Variants in INPP4B observed in about 807,000 individuals in gnomAD.
The protein encoded by INPP4B is inositol polyphosphate 4-phosphatase type II.
Under a neutral mutation model 122.5 loss-of-function variants are expected in INPP4B, and 55 were observed. The ratio of observed to expected loss-of-function variants is 0.45; its 90% confidence interval spans 0.36 to 0.56. INPP4B has a LOEUF of 0.56. Among genes scored for constraint, INPP4B ranks in the 20% least tolerant of loss-of-function variants. INPP4B has a pLI of 0.00. For synonymous variants in INPP4B, 403 were observed against 388.7 expected (o/e 1.04, Z -0.43); for missense variants, 1,000 against 1,097.7 (o/e 0.91, Z 1.26).
At chr4:142,662,250 A>AC (rs1385056241) in intron 2 of INPP4B, among the ~76,000 whole-genome samples, 3 of 151,448 alleles carry the variant, frequency 2.0e-5, no homozygotes, top group Non-Finnish European at 4.4e-5. Flanking sequence ...AAAACAAAAA[A>AC]CAAAAAAACG....
At chr4:142,646,720 C>A (rs548585640) in intron 2 of INPP4B, among the ~76,000 whole-genome samples, 11 of 152,272 alleles carry the variant, frequency 7.2e-5, no homozygotes, top group African/African-American at 2.6e-4. Context: ...GCAAAGAAAT[C>A]CCTCAGGGAG....
intron 7 of INPP4B, among the ~76,000 whole-genome samples, chr4:142,353,286 A>G (rs940880786): frequency 6.6e-6 from 1 of 151,974 alleles, no homozygotes; most frequent in Non-Finnish European, 1.5e-5. Context: ...ATGCTTTCTA[A>G]GTTGCAAGCA....
intron 1 of INPP4B, among the ~76,000 whole-genome samples, chr4:142,827,714 ACCCT>A (rs1050161097): frequency 1.3e-5 from 2 of 152,080 alleles, no homozygotes; most frequent in Admixed American, 6.6e-5. Flanking sequence ...TTGCTGTTCT[ACCCT>A]CCCTATCTAC....
intron 2 of INPP4B, among the ~76,000 whole-genome samples, chr4:142,582,806 T>C (rs1409607076): frequency 6.6e-6 from 1 of 152,094 alleles, no homozygotes; most frequent in African/African-American, 2.4e-5. Context: ...AACAAACAAC[T>C]GAACAACTGC....
In INPP4B at chr4:142,173,704, G is replaced by C. The variant is rs1242359403; in HGVS notation, c.1287C>G (p.Asp429Glu). 6.2e-7 allele frequency: 1 copy of C among 1,613,080 alleles called. No homozygotes were observed. The highest frequency in any genetic ancestry group is 1.3e-5 in the African/African-American group (1 of 74,838). Reference protein sequence around the residue: ...QLQPLIATHADLLLNSASQHS... With the variant: ...QLQPLIATHAELLLNSASQHS... ...GCTGGCTTGCAGAATTAAGCAGTAG[G>C]TCTGCATGGGTTGCTATAAGAGGTT... Residue 429 changes from aspartate to glutamate, a missense_variant, in exon 16 of 26, where the codon GAC becomes GAG. By Grantham distance (45) the Asp-to-Glu change is conservative. Transcript: ENST00000262992.
At chr4:142,843,175 G>A (rs1208132109) in intron 1 of INPP4B, among the ~76,000 whole-genome samples, 1 of 149,916 alleles carries the variant, frequency 6.7e-6, no homozygotes, top group African/African-American at 2.5e-5. Flanking sequence ...CTGCTCTAAA[G>A]TTTTAGAACA....
intron 25 of INPP4B, among the ~76,000 whole-genome samples, chr4:142,078,585 T>C (rs974661828): frequency 1.5e-4 from 23 of 152,036 alleles, no homozygotes; most frequent in Admixed American, 1.3e-3. Context: ...GAGCTGCTTC[T>C]TGTGAGGGGA....
intron 2 of INPP4B, among the ~76,000 whole-genome samples, chr4:142,519,900 C>T (rs937403584): frequency 6.6e-6 from 1 of 151,942 alleles, no homozygotes; most frequent in Admixed American, 6.6e-5. Context: ...TTTTGGATAC[C>T]TGAATAATCT....
At chr4:142,571,371 G>C (rs1447992117) in intron 2 of INPP4B, among the ~76,000 whole-genome samples, 1 of 152,058 alleles carries the variant, frequency 6.6e-6, no homozygotes, top group African/African-American at 2.4e-5. Flanking sequence ...GATTACTGTA[G>C]TCAAGCAAAT....
At chr4:142,599,776 G>C (rs1739484690) in intron 2 of INPP4B, among the ~76,000 whole-genome samples, 1 of 151,386 alleles carries the variant, frequency 6.6e-6, no homozygotes, top group Non-Finnish European at 1.5e-5. Context: ...ATAATACAAA[G>C]AAATCAGAAA....
At chr4:142,042,111 A>G (rs1748019542) in intron 25 of INPP4B, among the ~76,000 whole-genome samples, 1 of 152,196 alleles carries the variant, frequency 6.6e-6, no homozygotes, top group Admixed American at 6.5e-5. Context: ...CCTGTCATCT[A>G]CCGTCACTTG....
intron 16 of INPP4B, among the ~76,000 whole-genome samples, chr4:142,166,398 A>C (rs1279918910): frequency 6.6e-6 from 1 of 151,918 alleles, no homozygotes; most frequent in Admixed American, 6.6e-5. Context: ...CTCAAGATAG[A>C]TTAAAGATTT....
At chr4:142,225,899 A>G (rs1851327817) in intron 12 of INPP4B, among the ~76,000 whole-genome samples, 1 of 152,174 alleles carries the variant, frequency 6.6e-6, no homozygotes, top group African/African-American at 2.4e-5. Context: ...GATAAAGCCA[A>G]TATTTTGTGG....
intron 2 of INPP4B, among the ~76,000 whole-genome samples, chr4:142,593,725 A>G (rs1031030600): frequency 3.9e-5 from 6 of 152,104 alleles, no homozygotes; most frequent in African/African-American, 1.4e-4. Context: ...TTCTCCTTTT[A>G]TAACAATATT....
intron 2 of INPP4B, among the ~76,000 whole-genome samples, chr4:142,498,618 A>C (rs1822962552): frequency 6.6e-6 from 1 of 151,716 alleles, no homozygotes; most frequent in Admixed American, 6.6e-5. Context: ...GCAAAACCCC[A>C]TCTCTGAAAA....
At chr4:142,319,658 G>T (rs1194084531) in intron 7 of INPP4B, among the ~76,000 whole-genome samples, 1 of 152,114 alleles carries the variant, frequency 6.6e-6, no homozygotes, top group African/African-American at 2.4e-5. Context: ...AGTGAATATA[G>T]TACACTCTCT....
At chr4:142,090,094 G>T (rs1778786618) in intron 23 of INPP4B, among the ~76,000 whole-genome samples, 1 of 152,044 alleles carries the variant, frequency 6.6e-6, no homozygotes, top group Non-Finnish European at 1.5e-5. Flanking sequence ...AAATAATTTT[G>T]TTTCATTATA....
intron 2 of INPP4B, among the ~76,000 whole-genome samples, chr4:142,526,069 A>T (rs189845245): frequency 6.6e-6 from 1 of 152,180 alleles, no homozygotes; most frequent in South Asian, 2.1e-4. Context: ...GTGCTTTATC[A>T]ATAATAAATG....
chr4:142,778,928 C>T (rs1774353393), intron 1 of INPP4B, among the ~76,000 whole-genome samples: 1 of 152,034 alleles, frequency 6.6e-6, no homozygotes, highest in Admixed American at 6.6e-5. Context: ...TACATACAAC[C>T]AGACAATTGA....
Sources: gnomAD v4.1 joint callset for allele counts (sites outside exome capture counted in the v4.1 genomes callset) on GRCh38, gnomAD v4.1.1 for gene constraint, MANE v1.5 for transcripts, NCBI Gene and HGNC (gene_info 2026-07-23, HGNC 2026-07-21) for gene names.